The following POU3F3 variants were observed in gnomAD, a reference collection of about 807,000 sequenced individuals.
POU3F3 encodes the protein POU class 3 homeobox 3.
POU3F3 carries 1 observed loss-of-function variant against 8.6 expected under a neutral mutation model. That is an observed-to-expected ratio of 0.12 (90% CI 0.04 to 0.55). POU3F3 has a LOEUF of 0.55. Ranked by LOEUF, POU3F3 falls within the 20% of genes least tolerant of loss-of-function variation. POU3F3 has a pLI of 0.91. For missense variants in POU3F3, 577 were observed against 690.7 expected (o/e 0.84, Z 1.84); for synonymous variants, 418 against 327.4 (o/e 1.28, Z -2.99).
Position 104,856,194 on chromosome 2 carries a change from C to T in POU3F3, c.684C>T (p.Phe228=). The change falls in exon 1 of 1, where the codon TTC becomes TTT. Residue 228 remains phenylalanine (F), a synonymous_variant. Transcript: ENST00000361360. ...TGCTCTACTCGCAGCCCGGAGGCTTCACGGTGAACGGCATGCTGAGCGCGC... is the reference window on the plus strand; with the variant it reads ...TGCTCTACTCGCAGCCCGGAGGCTTTACGGTGAACGGCATGCTGAGCGCGC... ...QSLLYSQPGG[F]TVNGMLSAPP... 7.9e-7 allele frequency: 1 copy of T among 1,267,086 alleles called. No individual in the cohort carries two copies. Among genetic ancestry groups the T allele is most frequent in the Non-Finnish European group, 9.9e-7 (1 of 1,013,158 alleles). The allele number at this position is 1,267,086 out of a possible 1,614,324, so 78.5% of individuals were successfully genotyped here. A position where few individuals can be genotyped will look rare whatever the true frequency, so the allele number is the denominator to read the frequency against.
At chr2:104,872,196 C>T in the POU3F3 span, 1 of 455,156 alleles carries the variant, frequency 2.2e-6, no homozygotes, top group Non-Finnish European at 4.4e-6. This position sits in a 1 kb window ranked among gnomAD's most constrained non-coding sequence, Gnocchi z 4.6. Flanking sequence ...TGCGCCCTCC[C>T]TCTCCTCAGC....
At chr2:104,868,861 T>A in the POU3F3 span, among the ~76,000 whole-genome samples, 8 of 152,218 alleles carry the variant, frequency 5.3e-5, no homozygotes, top group Admixed American at 1.3e-4. Flanking sequence ...TCAGGAAGAA[T>A]AGCAGAAAAA....
the POU3F3 span, among the ~76,000 whole-genome samples, chr2:104,888,925 A>C: frequency 6.6e-6 from 1 of 152,318 alleles, no homozygotes; most frequent in South Asian, 2.1e-4. Flanking sequence ...AAGACCTAAA[A>C]TGTTTGTTTC....
the POU3F3 span, among the ~76,000 whole-genome samples, chr2:104,920,012 T>C: frequency 6.6e-6 from 1 of 152,054 alleles, no homozygotes; most frequent in East Asian, 1.9e-4. Context: ...TATTCATTTA[T>C]TTATTTTTTT....
At chr2:104,893,758 C>T in the POU3F3 span, among the ~76,000 whole-genome samples, 1 of 151,994 alleles carries the variant, frequency 6.6e-6, no homozygotes, top group Admixed American at 6.6e-5. Context: ...TGGCAGGTGC[C>T]TGTAATCCCA....
At chr2:104,889,672 C>T in the POU3F3 span, among the ~76,000 whole-genome samples, 1 of 152,202 alleles carries the variant, frequency 6.6e-6, no homozygotes, top group East Asian at 1.9e-4. Context: ...ACCCTGAGAC[C>T]CACAGTGGAA....
At chr2:104,910,821 T>C in the POU3F3 span, among the ~76,000 whole-genome samples, 4 of 151,556 alleles carry the variant, frequency 2.6e-5, no homozygotes, top group African/African-American at 9.7e-5. Flanking sequence ...GAACTATGGA[T>C]GTAAAATGCT....
the POU3F3 span, chr2:104,867,906 CG>C: frequency 9.4e-6 from 2 of 213,318 alleles, no homozygotes; most frequent in African/African-American, 4.7e-5. The surrounding 1 kb of genome is among the most constrained non-coding windows in gnomAD (Gnocchi z 5.0). Flanking sequence ...CTGCGCACTC[CG>C]CCCCCGCTGA....
the POU3F3 span, among the ~76,000 whole-genome samples, chr2:104,886,267 A>T: frequency 1.3e-5 from 2 of 152,172 alleles, no homozygotes; most frequent in Non-Finnish European, 2.9e-5. Context: ...CAGGCCACAA[A>T]TACAGTGGTG....
At chr2:104,901,927 G>A in the POU3F3 span, among the ~76,000 whole-genome samples, 1 of 152,210 alleles carries the variant, frequency 6.6e-6, no homozygotes, top group Non-Finnish European at 1.5e-5. Flanking sequence ...CATTACTCAT[G>A]AGTGGAAATG....
chr2:104,861,671 C>A (rs1026722068), downstream of POU3F3, among the ~76,000 whole-genome samples: 5 of 152,318 alleles, frequency 3.3e-5, no homozygotes, highest in South Asian at 1.0e-3. Context: ...GCCCTTTGTC[C>A]TAGTCCAGCT....
At chr2:104,918,520 A>T in the POU3F3 span, among the ~76,000 whole-genome samples, 1 of 152,180 alleles carries the variant, frequency 6.6e-6, no homozygotes, top group Non-Finnish European at 1.5e-5. Flanking sequence ...TCCTTATAAC[A>T]TGAGGACACC....
At chr2:104,861,198 G>A (rs1349536593), downstream of POU3F3, among the ~76,000 whole-genome samples, 1 of 152,094 alleles carries the variant, frequency 6.6e-6, no homozygotes, top group Non-Finnish European at 1.5e-5. Flanking sequence ...GCACTAATTT[G>A]TATGTAAATT....
At chr2:104,924,425 A>G in the POU3F3 span, among the ~76,000 whole-genome samples, 1 of 152,208 alleles carries the variant, frequency 6.6e-6, no homozygotes. Context: ...TTCTGTCTGC[A>G]AAGACAATTG....
At chr2:104,860,399 T>C (rs976454925), downstream of POU3F3, among the ~76,000 whole-genome samples, 1 of 152,206 alleles carries the variant, frequency 6.6e-6, no homozygotes, top group African/African-American at 2.4e-5. Flanking sequence ...AGGCTTATAT[T>C]GTTACACATG....
the POU3F3 span, among the ~76,000 whole-genome samples, chr2:104,899,311 G>A: frequency 7.9e-5 from 12 of 152,288 alleles, no homozygotes; most frequent in South Asian, 2.1e-4. Flanking sequence ...GCAGAGCTTC[G>A]GGACAGCCCT....
the POU3F3 span, among the ~76,000 whole-genome samples, chr2:104,903,881 C>G: frequency 6.6e-6 from 1 of 152,128 alleles, no homozygotes; most frequent in Non-Finnish European, 1.5e-5. Context: ...TCTGATTTTG[C>G]TTTGATAGTT....
chr2:104,903,471 C>T, the POU3F3 span, among the ~76,000 whole-genome samples: 1 of 152,218 alleles, frequency 6.6e-6, no homozygotes, highest in South Asian at 2.1e-4. Flanking sequence ...CACATCAATA[C>T]ATGTAAACAT....
chr2:104,875,738 A>G, the POU3F3 span, among the ~76,000 whole-genome samples: 2,194 of 152,146 alleles, frequency 0.014, 52 homozygotes, highest in African/African-American at 0.05. Flanking sequence ...TGTTTTTGAG[A>G]TGGAGTCTCG....
Sources: allele counts gnomAD v4.1 joint callset (sites outside exome capture counted in the v4.1 genomes callset), GRCh38; gene constraint gnomAD v4.1.1; non-coding constraint Gnocchi (gnomAD v3.1); transcripts MANE v1.5; gene names NCBI Gene and HGNC (gene_info 2026-07-23, HGNC 2026-07-21).